Variants in MYH10 observed in about 807,000 individuals in gnomAD.
MYH10 encodes myosin-10.
Under a neutral mutation model 257.8 loss-of-function variants are expected in MYH10, and 55 were observed. That is an observed-to-expected ratio of 0.21 (90% CI 0.17 to 0.27). The LOEUF (loss-of-function observed/expected upper bound fraction) is 0.27, where lower values mean the gene tolerates loss of function less well. Ranked by LOEUF, MYH10 falls within the 10% of genes least tolerant of loss-of-function variation. MYH10 has a pLI of 1.00. For synonymous variants in MYH10, 854 were observed against 921.7 expected (o/e 0.93, Z 1.33); for missense variants, 1,631 against 2,500.6 (o/e 0.65, Z 7.42).
intron 7 of MYH10, among the ~76,000 whole-genome samples, chr17:8,568,955 T>G (rs2083248461): frequency 6.6e-6 from 1 of 151,010 alleles, no homozygotes; most frequent in Admixed American, 6.6e-5. Context: ...CTCATTCCTG[T>G]AATCCCAGTA....
intron 3 of MYH10, among the ~76,000 whole-genome samples, chr17:8,594,135 T>C (rs375979527): frequency 6.6e-6 from 1 of 152,288 alleles, no homozygotes. Flanking sequence ...ACCCATACTT[T>C]GCACCATATA....
rs541668039 is a variant in MYH10 at position 8,561,755 on chromosome 17, C to T, written c.757-7737G>A. Among the ~76,000 whole-genome samples the T allele has an allele frequency of 2.0e-5, 3 of 152,072 alleles. 1 individual carries two copies. Among genetic ancestry groups the T allele is most frequent in the Admixed American group, 2.0e-4 (3 of 15,276 alleles). On this transcript the variant is annotated intron_variant, in intron 7 of 42. Coordinates refer to ENST00000360416, the MANE Select transcript of MYH10 (RefSeq NM_001256012.3). The stretch of plus-strand genomic sequence containing the variant: ...TTAGATAAATAAGCAAAGTCACCAA[C>T]ATGCAACACTCTATTCCTCATCAGT...
Position 8,504,128 on chromosome 17 carries a change from G to A in MYH10, c.3599+566C>T, listed in dbSNP as rs2080996918. Among the ~76,000 whole-genome samples, 1 of 152,214 alleles carries A rather than the reference G, an allele frequency of 6.6e-6. No individual in the cohort carries two copies. ...GCCTTCTCTGGCCATGTTCACCTAT[G>A]CTCGTCACTTTTTTCATGCCCGCCC... On this transcript the variant is annotated intron_variant, in intron 28 of 42. Coordinates refer to ENST00000360416, the MANE Select transcript of MYH10 (RefSeq NM_001256012.3). The surrounding 1 kb of genome is among the most constrained non-coding windows in gnomAD (Gnocchi z 5.6).
chr17:8,485,575 C>T (rs1314340065), intron 36 of MYH10, among the ~76,000 whole-genome samples: 3 of 150,888 alleles, frequency 2.0e-5, no homozygotes, highest in Non-Finnish European at 4.4e-5. Context: ...TAAAAGAGAG[C>T]TCAGCTGTTT....
intron 6 of MYH10, among the ~76,000 whole-genome samples, chr17:8,570,228 T>C (rs2083290926): frequency 6.6e-6 from 1 of 152,220 alleles, no homozygotes; most frequent in African/African-American, 2.4e-5. Flanking sequence ...AATTTAACAG[T>C]TACCACTGTA....
chr17:8,589,140 GAA>G, intron 3 of MYH10, 32 bp from the exon 4 acceptor site: 2 of 1,605,718 alleles, frequency 1.2e-6, no homozygotes, highest in Non-Finnish European at 1.7e-6. Context: ...ACAAAAAAAA[GAA>G]AGTGACCATT....
Position 8,546,544 on chromosome 17 carries a change from C to T in MYH10, c.1278G>A (p.Gln426=). The change falls in exon 12 of 43, where the codon CAG becomes CAA. Residue 426 remains glutamine, a splice_region_variant and synonymous_variant. Coordinates refer to ENST00000360416, the MANE Select transcript of MYH10 (RefSeq NM_001256012.3). ...TAATAACAATGAACATGAAACCTAC[C>T]TGTTCTTTGGTCTGGGCTTTTTGCA... is the stretch of plus-strand genomic sequence containing the variant. ...DYVQKAQTKE[Q]ADFAVEALAK... The T allele has an allele frequency of 6.2e-7, 1 of 1,610,324 alleles. No homozygotes were observed. Among genetic ancestry groups the T allele is most frequent in the East Asian group, 2.2e-5 (1 of 44,858 alleles).
intron 32 of MYH10, among the ~76,000 whole-genome samples, chr17:8,493,508 G>A (rs1357761746): frequency 6.6e-6 from 1 of 152,178 alleles, no homozygotes; most frequent in Non-Finnish European, 1.5e-5. Context: ...AATGATGACT[G>A]GATTGAAATC....
chr17:8,549,878 C>T (rs534856026), intron 9 of MYH10, among the ~76,000 whole-genome samples: 1,949 of 151,094 alleles, frequency 0.013, 43 homozygotes, highest in African/African-American at 0.044. Context: ...TTGGTGGAGA[C>T]GGGGTTTCGC....
At position 8,490,683 on chromosome 17, in the gene MYH10, A is replaced by G; in HGVS notation, c.4672-131T>C. The stretch of plus-strand genomic sequence containing the variant: ...GGTCCCCCTGGGCCGGCCCCCTGCC[A>G]CATGCATACACATCCTTCCCTCTCC... On this transcript the variant is annotated intron_variant, in intron 34 of 42. Coordinates refer to ENST00000360416, the MANE Select transcript of MYH10 (RefSeq NM_001256012.3). The surrounding 1 kb of genome is among the most constrained non-coding windows in gnomAD (Gnocchi z 4.1). The G allele has an allele frequency of 1.4e-6, 1 of 729,646 alleles. No homozygotes were observed. Among genetic ancestry groups the G allele is most frequent in the South Asian group, 1.7e-5 (1 of 60,418 alleles). The allele number at this position is 729,646 out of a possible 1,614,324, so 45.2% of individuals were successfully genotyped here.
intron 11 of MYH10, 51 bp downstream of exon 11, chr17:8,548,262 G>C: frequency 1.4e-6 from 2 of 1,425,380 alleles, no homozygotes; most frequent in South Asian, 2.4e-5. Flanking sequence ...CCTTCTTAGA[G>C]AGCACAACAA....
At chr17:8,510,045 T>TTTC in intron 24 of MYH10, 96 bp from the exon 25 acceptor site, 1 of 1,285,292 alleles carries the variant, frequency 7.8e-7, no homozygotes. Flanking sequence ...TACTAATTTT[T>TTTC]TTTTTTTTTT....
In MYH10 at chr17:8,490,763, C is replaced by T. The variant is rs1269964155; in HGVS notation, c.4672-211G>A. ...GTGTATGCAGTTCAGAACTACAGTG[C>T]GGATGTCTTTATTCCCACGTGTTCT... On this transcript the variant is annotated intron_variant, in intron 34 of 42. Transcript: ENST00000360416. This position sits in a 1 kb window ranked among gnomAD's most constrained non-coding sequence, Gnocchi z 4.1. 6.6e-6 allele frequency among the ~76,000 whole-genome samples: 1 copy of T among 152,180 alleles called. No homozygotes were observed. The highest frequency in any genetic ancestry group is 1.5e-5 in the Non-Finnish European group (1 of 68,024).
chr17:8,571,908 T>G (rs979602837), intron 6 of MYH10, among the ~76,000 whole-genome samples: 1 of 138,402 alleles, frequency 7.2e-6, no homozygotes, highest in African/African-American at 2.7e-5. Context: ...TTGCATTAAC[T>G]GTTTGGGTCT....
intron 19 of MYH10, among the ~76,000 whole-genome samples, chr17:8,520,002 C>G (rs565512626): frequency 6.6e-6 from 1 of 152,096 alleles, no homozygotes; most frequent in South Asian, 2.1e-4. Flanking sequence ...TGTAATTGCA[C>G]GCATGTGTGT....
chr17:8,483,359 T>C (rs1914189577), intron 37 of MYH10, among the ~76,000 whole-genome samples: 1 of 152,208 alleles, frequency 6.6e-6, no homozygotes, highest in Non-Finnish European at 1.5e-5. Context: ...GAAAACCTCT[T>C]GAAGCTGGCT....
chr17:8,511,907 C>G (rs2151879386), intron 24 of MYH10, among the ~76,000 whole-genome samples: 1 of 152,278 alleles, frequency 6.6e-6, no homozygotes, highest in East Asian at 1.9e-4. Flanking sequence ...ATATAAAGAC[C>G]ATTTAAAAAG....
chr17:8,487,367 A>T (rs1915017505), intron 36 of MYH10, 66 bp downstream of exon 36: 1 of 1,590,692 alleles, frequency 6.3e-7, no homozygotes, highest in African/African-American at 1.3e-5. Flanking sequence ...TCACTGCTGG[A>T]CTCTGTGTAA....
At chr17:8,556,330 ACTTTATT>A (rs2082795900) in intron 7 of MYH10, among the ~76,000 whole-genome samples, 1 of 152,208 alleles carries the variant, frequency 6.6e-6, no homozygotes, top group Non-Finnish European at 1.5e-5. Context: ...GTCCCCAGCC[ACTTTATT>A]CTTAATAGCC....
Sources: allele counts gnomAD v4.1 joint callset (sites outside exome capture counted in the v4.1 genomes callset), GRCh38; gene constraint gnomAD v4.1.1; non-coding constraint Gnocchi (gnomAD v3.1); transcripts MANE v1.5; gene names NCBI Gene and HGNC (gene_info 2026-07-23, HGNC 2026-07-21).